Variants in GNAI2 observed in about 807,000 individuals in gnomAD.
The protein encoded by GNAI2 is guanine nucleotide-binding protein G(i) subunit alpha-2.
Under a neutral mutation model 36.8 loss-of-function variants are expected in GNAI2, and 4 were observed. That is an observed-to-expected ratio of 0.11 (90% CI 0.05 to 0.25). The LOEUF (loss-of-function observed/expected upper bound fraction) is 0.25. Ranked by LOEUF, GNAI2 falls within the 10% of genes least tolerant of loss-of-function variation. The probability of loss-of-function intolerance (pLI) is 1.00; values close to 1 mark genes in which losing one functional copy is unlikely to be tolerated. For missense variants in GNAI2, 230 were observed against 481.3 expected (o/e 0.48, Z 4.89); for synonymous variants, 194 against 194.1 (o/e 1.00, Z 0.01).
Position 50,252,721 on chromosome 3 carries a change from G to A in GNAI2, c.303+183G>A, listed in dbSNP as rs41304177. ...TCTACTAAAAATACAAAAATTAGCC[G>A]AGCATGGTGGCACGTGCCTGTAATC... On this transcript the variant is annotated intron_variant, in intron 3 of 8. Coordinates refer to ENST00000313601, the MANE Select transcript of GNAI2 (RefSeq NM_002070.4). The surrounding 1 kb of genome is among the most constrained non-coding windows in gnomAD (Gnocchi z 4.1). Among the ~76,000 whole-genome samples, 16 of 152,256 alleles carry A rather than the reference G, an allele frequency of 1.1e-4. No individual in the cohort carries two copies. The highest frequency in any genetic ancestry group is 2.4e-4 in the African/African-American group (10 of 41,538).
intron 5 of GNAI2, 52 bp from the exon 6 acceptor site, chr3:50,256,671 G>A: frequency 6.2e-7 from 1 of 1,601,516 alleles, no homozygotes; most frequent in Admixed American, 1.7e-5. Flanking sequence ...AAATGGGGTA[G>A]AAAGCCTCCC....
At chr3:50,229,521 G>T (rs888464245), upstream of GNAI2, 4 of 152,266 alleles carry the variant, frequency 2.6e-5, no homozygotes, top group African/African-American at 9.7e-5. Flanking sequence ...GGAGACTTTG[G>T]AACCCCCTGT....
In GNAI2 at chr3:50,241,257, A is replaced by G. The variant is rs782688181; in HGVS notation, c.118+4804A>G. Among the ~76,000 whole-genome samples, 3 of 152,122 alleles carry G rather than the reference A, an allele frequency of 2.0e-5. No individual in the cohort carries two copies. Among genetic ancestry groups the G allele is most frequent in the Admixed American group, 6.5e-5 (1 of 15,284 alleles). ...ACACTCTACCCCAGCCCTCTCCTTC[A>G]CTGCTGGAGCTCATTAGCACTTGAA... On this transcript the variant is annotated intron_variant, in intron 1 of 8. Transcript: ENST00000313601. This position sits in a 1 kb window ranked among gnomAD's most constrained non-coding sequence, Gnocchi z 5.0.
At chr3:50,235,549 A>C (rs1700143756), upstream of GNAI2, among the ~76,000 whole-genome samples, 1 of 151,892 alleles carries the variant, frequency 6.6e-6, no homozygotes, top group Admixed American at 6.6e-5. Context: ...AGAACTCCTG[A>C]CCTCAAGTGA....
intron 1 of GNAI2, among the ~76,000 whole-genome samples, chr3:50,245,894 T>C (rs914575114): frequency 2.6e-5 from 4 of 152,374 alleles, no homozygotes; most frequent in Admixed American, 2.6e-4. Context: ...CTTTGGGCAC[T>C]GTGAACCCCT....
intron 1 of GNAI2, among the ~76,000 whole-genome samples, chr3:50,237,451 C>A (rs1700201360): frequency 6.6e-6 from 1 of 152,224 alleles, no homozygotes; most frequent in Non-Finnish European, 1.5e-5. Context: ...AGACAGCCGA[C>A]ATATTGCTGC....
At chr3:50,234,935 G>A (rs1431520537), upstream of GNAI2, among the ~76,000 whole-genome samples, 1 of 152,206 alleles carries the variant, frequency 6.6e-6, no homozygotes, top group East Asian at 1.9e-4. Context: ...CTGGCCATAG[G>A]GTTGCAGCCA....
At chr3:50,246,879 G>A in intron 1 of GNAI2, 1 of 1,432,522 alleles carries the variant, frequency 7.0e-7, no homozygotes. Context: ...ACAGCGGAAA[G>A]CCAACAGAGG....
rs1346922238 is a variant in GNAI2 at position 50,238,575 on chromosome 3, G to A, written c.118+2122G>A. 1.1e-4 allele frequency among the ~76,000 whole-genome samples: 17 copies of A among 152,246 alleles called. No individual in the cohort carries two copies. Among genetic ancestry groups the A allele is most frequent in the African/African-American group, 4.1e-4 (17 of 41,464 alleles). On this transcript the variant is annotated intron_variant, in intron 1 of 8. Transcript: ENST00000313601. The surrounding 1 kb of genome is among the most constrained non-coding windows in gnomAD (Gnocchi z 5.0). ...TGGGCTTCCTGGGTTTTGGCCAAAG[G>A]AGTGCCCCAGGTCAGGATGGGGAGG...
chr3:50,257,180 C>A, intron 7 of GNAI2, 90 bp downstream of exon 7: 2 of 1,141,310 alleles, frequency 1.8e-6, no homozygotes, highest in Non-Finnish European at 2.6e-6. Context: ...GCGCCCCCCA[C>A]TGGACAGAAG....
At chr3:50,257,178 C>T (rs1553703373) in intron 7 of GNAI2, 88 bp downstream of exon 7, 24 of 1,152,878 alleles carry the variant, frequency 2.1e-5, no homozygotes, top group Non-Finnish European at 2.8e-5. Flanking sequence ...AGGCGCCCCC[C>T]ACTGGACAGA....
Position 50,257,571 on chromosome 3 carries a change from A to T in GNAI2, c.949A>T (p.Thr317Ser). ...KFEDLNKRKDTKEIYTHFTCA... is the reference protein window; with the variant it reads ...KFEDLNKRKDSKEIYTHFTCA... Reference sequence around the variant, plus strand: ...TGAGGACCTGAATAAGCGCAAAGACACCAAGGAGATCTACACGCACTTCAC... The same window carrying T: ...TGAGGACCTGAATAAGCGCAAAGACTCCAAGGAGATCTACACGCACTTCAC... Residue 317 changes from threonine (T) to serine (S), a missense_variant, in exon 8 of 9, where the codon ACC becomes TCC. This residue lies in a region of GNAI2 where 51 missense variants were observed against 56.7 expected (regional missense o/e 0.90). Coordinates refer to ENST00000313601, the MANE Select transcript of GNAI2 (RefSeq NM_002070.4). 1 of 1,590,768 alleles carries T rather than the reference A, an allele frequency of 6.3e-7. No homozygotes were observed. Among genetic ancestry groups the T allele is most frequent in the Non-Finnish European group, 8.6e-7 (1 of 1,169,572 alleles).
In GNAI2 at chr3:50,242,876, G is replaced by T. The variant is rs1243090779; in HGVS notation, c.118+6423G>T. Among the ~76,000 whole-genome samples the T allele has an allele frequency of 6.6e-6, 1 of 152,210 alleles. No homozygotes were observed. The highest frequency in any genetic ancestry group is 1.5e-5 in the Non-Finnish European group (1 of 68,030). ...AAGGCTGCTGACAGCCTCAGGATAT[G>T]CAAAGGAGGTGATGGCAGCACCTAC... On this transcript the variant is annotated intron_variant, in intron 1 of 8. Transcript: ENST00000313601. The surrounding 1 kb of genome is among the most constrained non-coding windows in gnomAD (Gnocchi z 4.8).
intron 1 of GNAI2, among the ~76,000 whole-genome samples, chr3:50,251,131 C>T (rs1387760880): frequency 2.0e-5 from 3 of 152,136 alleles, no homozygotes; most frequent in Admixed American, 1.3e-4. Flanking sequence ...TTTTAAACAC[C>T]TCCCCAAGGC....
Position 50,253,744 on chromosome 3 carries a change from T to G in GNAI2, c.464+560T>G, listed in dbSNP as rs1700621533. 6.6e-6 allele frequency among the ~76,000 whole-genome samples: 1 copy of G among 152,080 alleles called. No individual in the cohort carries two copies. Among genetic ancestry groups the G allele is most frequent in the African/African-American group, 2.4e-5 (1 of 41,424 alleles). On this transcript the variant is annotated intron_variant, in intron 4 of 8. Transcript: ENST00000313601. This position sits in a 1 kb window ranked among gnomAD's most constrained non-coding sequence, Gnocchi z 4.2. ...GGGTGACAGAGCAAGACTCAGAACA[T>G]TTGCTGCCACCTGTTCTGTGCCAGG...
chr3:50,243,037 G>A (rs1700329554), intron 1 of GNAI2, among the ~76,000 whole-genome samples: 1 of 152,234 alleles, frequency 6.6e-6, no homozygotes, highest in Admixed American at 6.5e-5. Flanking sequence ...GCCCAAAAGA[G>A]GAAGAGGCCA....
Position 50,242,926 on chromosome 3 carries a change from GA to G in GNAI2, c.118+6474del, listed in dbSNP as rs1700328138. Among the ~76,000 whole-genome samples the G allele has an allele frequency of 6.6e-6, 1 of 152,200 alleles. No homozygotes were observed. Among genetic ancestry groups the G allele is most frequent in the African/African-American group, 2.4e-5 (1 of 41,450 alleles). On this transcript the variant is annotated intron_variant, in intron 1 of 8. Transcript: ENST00000313601. This position sits in a 1 kb window ranked among gnomAD's most constrained non-coding sequence, Gnocchi z 4.8. ...CTGTGTGTGCCCCCGGCGGGAGGAG[GA>G]GGTAATGAAGTCTGCACGACATGGC...
At position 50,258,898 on chromosome 3, in the gene GNAI2, GAAAA is replaced by G. The variant is rs781828389; in HGVS notation, c.*564_*567del. 2.6e-6 allele frequency: 1 copy of G among 381,810 alleles called. No homozygotes were observed. Among genetic ancestry groups the G allele is most frequent in the Non-Finnish European group, 5.0e-6 (1 of 201,220 alleles). 23.7% of individuals were successfully genotyped at this position (381,810 alleles called of 1,614,324 possible). A position where few individuals can be genotyped will look rare whatever the true frequency, so the allele number is the denominator to read the frequency against. The stretch of plus-strand genomic sequence containing the variant: ...GCTTTTTAAAAAAATGAAAGTAAAG[GAAAA>G]AAAAAAAACTGCAAATCTAGAAAAC... On this transcript the variant is annotated 3_prime_UTR_variant, in exon 9 of 9. Transcript: ENST00000313601.
At chr3:50,256,563 TG>T in intron 5 of GNAI2, 159 bp from the exon 6 acceptor site, 1 of 813,990 alleles carries the variant, frequency 1.2e-6, no homozygotes, top group Non-Finnish European at 2.0e-6. Context: ...TCCAAGCTCC[TG>T]GCCCAGAACC....
Sources: allele counts gnomAD v4.1 joint callset (sites outside exome capture counted in the v4.1 genomes callset), GRCh38; gene constraint gnomAD v4.1.1; regional missense constraint gnomAD v4.1.1; non-coding constraint Gnocchi (gnomAD v3.1); transcripts MANE v1.5; gene names NCBI Gene and HGNC (gene_info 2026-07-23, HGNC 2026-07-21).